ACAP2: variants seen among roughly 807,000 people sequenced by gnomAD.
The protein encoded by ACAP2 is ArfGAP with coiled-coil, ankyrin repeat and PH domains 2.
A neutral mutation model predicts 115.8 loss-of-function variants in ACAP2; 39 were observed. The observed-to-expected ratio is 0.34, with a 90% CI of 0.26 to 0.44. ACAP2 has a LOEUF of 0.44. Among genes scored for constraint, ACAP2 ranks in the 20% least tolerant of loss-of-function variants. The pLI, the probability that ACAP2 is intolerant of heterozygous loss-of-function variation, is 1.00. For synonymous variants in ACAP2, 289 were observed against 315.8 expected (o/e 0.92, Z 0.90); for missense variants, 662 against 927.6 (o/e 0.71, Z 3.72).
chr3:195,293,407 G>A (rs1477767538), intron 18 of ACAP2, among the ~76,000 whole-genome samples: 1 of 152,194 alleles, frequency 6.6e-6, no homozygotes, highest in Non-Finnish European at 1.5e-5. Context: ...AAATCTAATG[G>A]GGAGGGAGTT....
rs568863520 is a variant in ACAP2 at position 195,294,468 on chromosome 3, C to T, written c.1765+251G>A. Among the ~76,000 whole-genome samples, 5 of 151,160 alleles carry T rather than the reference C, an allele frequency of 3.3e-5. No homozygotes were observed. The South Asian group carries it at 1.0e-3, about 32-fold the overall frequency. The stretch of plus-strand genomic sequence containing the variant: ...TGGTGGGCGCCTGTAATCCCAGCTA[C>T]TCGGGAGGCTGAGGCAGGAGAATCA... On this transcript the variant is annotated intron_variant, in intron 18 of 22. Coordinates refer to ENST00000326793, the MANE Select transcript of ACAP2 (RefSeq NM_012287.6).
At chr3:195,437,836 C>CA (rs1265472821) in intron 1 of ACAP2, among the ~76,000 whole-genome samples, 100 of 101,628 alleles carry the variant, frequency 9.8e-4, no homozygotes, top group African/African-American at 1.9e-3. Flanking sequence ...AAAAAAAAAG[C>CA]AAAAAAAAAC....
At chr3:195,378,804 T>G (rs1295891205) in intron 4 of ACAP2, among the ~76,000 whole-genome samples, 4 of 146,762 alleles carry the variant, frequency 2.7e-5, no homozygotes, top group African/African-American at 1.0e-4. Flanking sequence ...GAGGCTGCAG[T>G]GAGCCAAGAT....
At chr3:195,360,082 A>G (rs1437677706) in intron 4 of ACAP2, among the ~76,000 whole-genome samples, 2 of 152,220 alleles carry the variant, frequency 1.3e-5, no homozygotes, top group African/African-American at 4.8e-5. Context: ...AAAGACAAAG[A>G]GTGGCTGAAT....
At position 195,279,428 on chromosome 3, in the gene ACAP2, C is replaced by A. The variant is rs1435931966; in HGVS notation, c.2237G>T (p.Gly746Val). The A allele has an allele frequency of 6.4e-7, 1 of 1,567,276 alleles. No homozygotes were observed. The highest frequency in any genetic ancestry group is 8.7e-7 in the Non-Finnish European group (1 of 1,152,528). ...RESEGLYGQP[G>V]DETYQDIFRD... ...AAATATGTCCTGATAAGTTTCATCA[C>A]CTGCATGAAATAAAATAAAGACACT... is the stretch of plus-strand genomic sequence containing the variant. The change falls in exon 23 of 23, where the codon GGT becomes GTT. Residue 746 changes from glycine (G) to valine (V), a missense_variant and splice_region_variant. Gly to Val is a moderately radical substitution (Grantham distance 109). Coordinates refer to ENST00000326793, the MANE Select transcript of ACAP2 (RefSeq NM_012287.6).
intron 4 of ACAP2, among the ~76,000 whole-genome samples, chr3:195,364,211 T>C (rs1732560154): frequency 6.6e-6 from 1 of 152,148 alleles, no homozygotes; most frequent in South Asian, 2.1e-4. Flanking sequence ...AAGGAATTTA[T>C]AACAAGAATA....
chr3:195,418,272 A>G (rs1237465218), intron 1 of ACAP2, among the ~76,000 whole-genome samples: 1 of 152,264 alleles, frequency 6.6e-6, no homozygotes, highest in East Asian at 1.9e-4. Context: ...CACAGTTCCC[A>G]GGATTCACTT....
intron 4 of ACAP2, among the ~76,000 whole-genome samples, chr3:195,358,355 T>C (rs549534423): frequency 2.6e-5 from 4 of 152,168 alleles, no homozygotes; most frequent in South Asian, 2.1e-4. Context: ...ATCAAGACCA[T>C]TGAAGAAAAC....
At chr3:195,401,095 C>G (rs1326738528) in intron 1 of ACAP2, among the ~76,000 whole-genome samples, 1 of 152,150 alleles carries the variant, frequency 6.6e-6, no homozygotes, top group African/African-American at 2.4e-5. Context: ...GCTTTTATGG[C>G]TGTTCCCCAT....
In ACAP2 at chr3:195,394,917, C is replaced by CTTT. The variant is rs57869834; in HGVS notation, c.54-2773_54-2771dup. On this transcript the variant is annotated intron_variant, in intron 1 of 22. Coordinates refer to ENST00000326793, the MANE Select transcript of ACAP2 (RefSeq NM_012287.6). Reference sequence around the variant, plus strand: ...TGGGCCACAGGGCAAGACTCCATCTCTTTTTTTTTTTTTTTTTTAAAGTAG... The same window carrying CTTT: ...TGGGCCACAGGGCAAGACTCCATCTCTTTTTTTTTTTTTTTTTTTTTAAAGTAG... 2.0e-3 allele frequency among the ~76,000 whole-genome samples: 265 copies of CTTT among 134,186 alleles called. 8 individuals carry two copies. The highest frequency in any genetic ancestry group is 7.2e-3 in the African/African-American group (258 of 35,612). 88.0% of individuals were successfully genotyped at this position (134,186 alleles called of 152,430 possible). A position where few individuals can be genotyped will look rare whatever the true frequency, so the allele number is the denominator to read the frequency against.
chr3:195,356,501 T>C (rs1224240338), intron 4 of ACAP2, among the ~76,000 whole-genome samples: 1 of 152,124 alleles, frequency 6.6e-6, no homozygotes, highest in Non-Finnish European at 1.5e-5. Flanking sequence ...CACCAGCCAA[T>C]GCGGCTAAGG....
At position 195,294,787 on chromosome 3, in the gene ACAP2, T is replaced by G; in HGVS notation, c.1697A>C (p.Gln566Pro). The change falls in exon 18 of 23, where the codon CAG (glutamine) becomes CCG (proline). Residue 566 changes from glutamine (Q) to proline (P), a missense_variant. Physicochemically the swap from Gln to Pro is moderately conservative, Grantham distance 76 (BLOSUM62 -1). Around this residue, in one of 3 missense-constraint regions of ACAP2, gnomAD observed 133 missense variants for 123.1 expected, o/e 1.08. Transcript: ENST00000326793. ...TTCTCTTCCATCATCAGAGCTCTGC[T>G]GAATTCCACTGTCATTACTTCTGAC... ...SSVRSNDSGIQQSSDDGRESL... is the reference protein window; with the variant it reads ...SSVRSNDSGIPQSSDDGRESL... The G allele has an allele frequency of 6.2e-7, 1 of 1,606,526 alleles. No homozygotes were observed. Among genetic ancestry groups the G allele is most frequent in the East Asian group, 2.2e-5 (1 of 44,536 alleles).
chr3:195,333,235 C>T (rs754139309), intron 7 of ACAP2, 112 bp from the exon 8 acceptor site: 53 of 478,010 alleles, frequency 1.1e-4, no homozygotes, highest in Admixed American at 9.0e-4. Flanking sequence ...TCTGTTTGCT[C>T]TGTCGCCCAG....
intron 4 of ACAP2, among the ~76,000 whole-genome samples, chr3:195,358,982 A>G (rs6806850): frequency 0.28 from 42,843 of 152,114 alleles, 6,838 homozygotes; most frequent in East Asian, 0.71. Context: ...TCTAGCAGTA[A>G]ACTTTTCAAT....
intron 11 of ACAP2, 66 bp downstream of exon 11, chr3:195,308,720 T>C: frequency 7.5e-7 from 1 of 1,336,544 alleles, no homozygotes; most frequent in Non-Finnish European, 1.1e-6. Flanking sequence ...TAGACTTCAA[T>C]GTTTACCAAA....
intron 1 of ACAP2, among the ~76,000 whole-genome samples, chr3:195,429,130 G>A (rs547707212): frequency 6.6e-6 from 1 of 152,112 alleles, no homozygotes; most frequent in African/African-American, 2.4e-5. Flanking sequence ...GCTCACACTT[G>A]TAATCCCAGC....
chr3:195,363,331 T>C (rs1038842831), intron 4 of ACAP2, among the ~76,000 whole-genome samples: 5 of 152,090 alleles, frequency 3.3e-5, no homozygotes, highest in Non-Finnish European at 7.4e-5. Context: ...TGTTCATGAA[T>C]TGGAAGAACT....
At chr3:195,289,838 G>A (rs137948775) in intron 20 of ACAP2, among the ~76,000 whole-genome samples, 1,939 of 149,358 alleles carry the variant, frequency 0.013, 30 homozygotes, top group African/African-American at 0.042. Context: ...ATAAAAACAT[G>A]TGCACAGGTA....
rs1224855364 is a variant in ACAP2 at position 195,298,428 on chromosome 3, G to C, written c.1396-1147C>G. Among the ~76,000 whole-genome samples, 6 of 151,822 alleles carry C rather than the reference G, an allele frequency of 4.0e-5. No individual in the cohort carries two copies. In the East Asian group the frequency reaches 1.2e-3, roughly 29 times the overall value. On this transcript the variant is annotated intron_variant, in intron 15 of 22. Transcript: ENST00000326793. Reference sequence around the variant, plus strand: ...CCACCACCACACCCAGCTAGTTTTTGTATTTGTAGTAGAGACAGGGTTTCA... The same window carrying C: ...CCACCACCACACCCAGCTAGTTTTTCTATTTGTAGTAGAGACAGGGTTTCA...
Sources: gnomAD v4.1 joint callset for allele counts (sites outside exome capture counted in the v4.1 genomes callset) on GRCh38, gnomAD v4.1.1 for gene constraint, gnomAD v4.1.1 regional missense constraint, MANE v1.5 for transcripts, NCBI Gene and HGNC (gene_info 2026-07-23, HGNC 2026-07-21) for gene names.